Variants in SEMA4F observed in about 807,000 individuals in gnomAD.
SEMA4F encodes the protein semaphorin-4F.
Under a neutral mutation model 78.4 loss-of-function variants are expected in SEMA4F, and 51 were observed. That is an observed-to-expected ratio of 0.65 (90% confidence interval 0.52 to 0.82). The LOEUF is 0.82. SEMA4F is among the 40% of genes least tolerant of loss of function. SEMA4F has a pLI of 0.00. For missense variants in SEMA4F, 938 were observed against 1,014.4 expected, an observed-to-expected ratio of 0.92 and a Z score of 1.02; for synonymous variants, 418 against 408.7, an observed-to-expected ratio of 1.02 and a Z score of -0.27.
chr2:74,694,207 C>T, the SEMA4F span, among the ~76,000 whole-genome samples: 2 of 152,050 alleles, frequency 1.3e-5, no homozygotes, highest in Admixed American at 1.3e-4. Flanking sequence ...TCTTGATATT[C>T]ATGCTTTCTC....
At chr2:74,663,011 C>T (rs1684505551) in intron 5 of SEMA4F, among the ~76,000 whole-genome samples, 186 bp downstream of exon 5, 1 of 152,182 alleles carries the variant, frequency 6.6e-6, no homozygotes, top group South Asian at 2.1e-4. Context: ...AGTATGATAT[C>T]CCCAGGATTC....
At chr2:74,693,806 T>C in the SEMA4F span, among the ~76,000 whole-genome samples, 7 of 152,218 alleles carry the variant, frequency 4.6e-5, no homozygotes, top group Non-Finnish European at 1.0e-4. Context: ...TTTTTTTTTA[T>C]TGCTACAGTG....
the SEMA4F span, among the ~76,000 whole-genome samples, chr2:74,690,237 T>C: frequency 6.6e-6 from 1 of 152,220 alleles, no homozygotes; most frequent in Non-Finnish European, 1.5e-5. Context: ...TGACAACCAG[T>C]ACTATCTTAC....
chr2:74,707,150 A>G, the SEMA4F span, among the ~76,000 whole-genome samples: 1 of 152,240 alleles, frequency 6.6e-6, no homozygotes, highest in Non-Finnish European at 1.5e-5. Context: ...TACATTGGCA[A>G]AATTTGAATG....
rs951495225 is a variant in SEMA4F at position 74,682,439 on chromosome 2, A to C, written c.*2230A>C. The stretch of plus-strand genomic sequence containing the variant: ...TCAAAAAAAAAAAAAAAAGATAACC[A>C]TGACACTCGCAATCATATTAAGCCT... On this transcript the variant is annotated 3_prime_UTR_variant, in exon 14 of 14. Coordinates refer to ENST00000357877, the MANE Select transcript of SEMA4F (RefSeq NM_004263.5). 1.3e-5 allele frequency: 2 copies of C among 152,370 alleles called. No individual in the cohort carries two copies. The highest frequency in any genetic ancestry group is 3.9e-4 in the East Asian group (2 of 5,194). 9.4% of individuals were successfully genotyped at this position (152,370 alleles called of 1,614,324 possible). A position where few individuals can be genotyped will look rare whatever the true frequency, so the allele number is the denominator to read the frequency against.
chr2:74,654,491 T>C lies in SEMA4F; in HGVS notation c.115T>C (p.Ser39Pro). 1.3e-6 allele frequency: 2 copies of C among 1,571,792 alleles called. No individual in the cohort carries two copies. Among genetic ancestry groups the C allele is most frequent in the South Asian group, 1.2e-5 (1 of 86,616 alleles). Residue 39 changes from serine to proline, a missense_variant, in exon 1 of 14, where the codon TCG becomes CCG. Transcript: ENST00000357877. ...SGPVSGRVPR[S>P]VPRTSLPISE... ...CCCGGTATCCGGCCGCGTCCCCCGC[T>C]CGGTGCCCAGAACCTCGCTTCCAAT...
chr2:74,656,656 C>T lies in SEMA4F; in HGVS notation c.268C>T (p.Leu90=). Residue 90 remains leucine, a synonymous_variant, in exon 2 of 14, where the codon CTG becomes TTG. Transcript: ENST00000357877. Reference sequence around the variant, plus strand: ...CCGGGACACCATCTTCGCTTTATCCCTGCCCTTCTCAGGGGAGAGACCCCG... The same window carrying T: ...CCGGGACACCATCTTCGCTTTATCCTTGCCCTTCTCAGGGGAGAGACCCCG... The part of the protein sequence containing the change: ...GARDTIFALS[L]PFSGERPRRI... 6.2e-7 allele frequency: 1 copy of T among 1,614,178 alleles called. No homozygotes were observed. The highest frequency in any genetic ancestry group is 8.5e-7 in the Non-Finnish European group (1 of 1,180,042).
chr2:74,691,298 G>T, the SEMA4F span, among the ~76,000 whole-genome samples: 1 of 152,168 alleles, frequency 6.6e-6, no homozygotes. Flanking sequence ...TGCTGCTCAC[G>T]TACTGTGATT....
At position 74,680,380 on chromosome 2, in the gene SEMA4F, C is replaced by A; in HGVS notation, c.*171C>A. The A allele has an allele frequency of 1.4e-6, 1 of 714,670 alleles. No homozygotes were observed. The highest frequency in any genetic ancestry group is 2.1e-6 in the Non-Finnish European group (1 of 465,492). The allele number at this position is 714,670 out of a possible 1,614,324, so 44.3% of individuals were successfully genotyped here. A position where few individuals can be genotyped will look rare whatever the true frequency, so the allele number is the denominator to read the frequency against. The stretch of plus-strand genomic sequence containing the variant: ...TCTCTGAGCCTGGATGGGCTTGGGG[C>A]CAGACCTTTGCCTGATTCCTGATTC... On this transcript the variant is annotated 3_prime_UTR_variant, in exon 14 of 14. Transcript: ENST00000357877.
At chr2:74,704,870 G>C in the SEMA4F span, among the ~76,000 whole-genome samples, 1 of 152,100 alleles carries the variant, frequency 6.6e-6, no homozygotes, top group Non-Finnish European at 1.5e-5. Flanking sequence ...GATTTGCCCT[G>C]CTCTTCTTCA....
the SEMA4F span, among the ~76,000 whole-genome samples, chr2:74,694,831 C>A: frequency 1.3e-5 from 2 of 152,170 alleles, no homozygotes; most frequent in Non-Finnish European, 2.9e-5. Context: ...TCTTGCCAAG[C>A]AATATGTACA....
chr2:74,672,436 G>C (rs559261475), intron 5 of SEMA4F, among the ~76,000 whole-genome samples: 1 of 152,188 alleles, frequency 6.6e-6, no homozygotes, highest in African/African-American at 2.4e-5. Context: ...TCACATGGGG[G>C]TTCTTGGGGC....
chr2:74,697,311 A>G, the SEMA4F span, among the ~76,000 whole-genome samples: 10 of 152,338 alleles, frequency 6.6e-5, no homozygotes, highest in African/African-American at 2.4e-4. Flanking sequence ...AGCTCAATGT[A>G]TAGTCCAGAG....
rs1227752137 is a variant in SEMA4F, at chr2:74,682,043, A to T, written c.*1834A>T. ...ATGAGAAAATATGTCAACAATAAAGACCTGTCTGTACCAATAGATGTTGTT... is the reference window on the plus strand; with the variant it reads ...ATGAGAAAATATGTCAACAATAAAGTCCTGTCTGTACCAATAGATGTTGTT... On this transcript the variant is annotated 3_prime_UTR_variant, in exon 14 of 14. Transcript: ENST00000357877. The T allele has an allele frequency of 6.6e-6, 1 of 152,172 alleles. No homozygotes were observed. Among genetic ancestry groups the T allele is most frequent in the African/African-American group, 2.4e-5 (1 of 41,404 alleles). The allele number at this position is 152,172 out of a possible 1,614,324, so 9.4% of individuals were successfully genotyped here.
chr2:74,705,715 C>T, the SEMA4F span, among the ~76,000 whole-genome samples: 1 of 152,160 alleles, frequency 6.6e-6, no homozygotes, highest in Middle Eastern at 3.2e-3. Flanking sequence ...AGATGTGTGC[C>T]ACCATGCCTA....
chr2:74,676,353 A>C (rs1019551795), intron 12 of SEMA4F, among the ~76,000 whole-genome samples: 1 of 152,208 alleles, frequency 6.6e-6, no homozygotes, highest in Non-Finnish European at 1.5e-5. Flanking sequence ...TCACACGTTC[A>C]TGCACTCTCT....
downstream of SEMA4F, among the ~76,000 whole-genome samples, chr2:74,685,239 T>C (rs1473343155): frequency 6.6e-6 from 1 of 152,138 alleles, no homozygotes. Flanking sequence ...AGAGGACTCA[T>C]GGTGACAGGG....
intron 1 of SEMA4F, 101 bp from the exon 2 acceptor site, chr2:74,656,433 G>C: frequency 8.7e-7 from 1 of 1,145,056 alleles, no homozygotes; most frequent in Non-Finnish European, 1.3e-6. Context: ...CTTAATAAAT[G>C]GTACTTGGAA....
At chr2:74,692,624 G>A in the SEMA4F span, among the ~76,000 whole-genome samples, 1 of 152,240 alleles carries the variant, frequency 6.6e-6, no homozygotes, top group African/African-American at 2.4e-5. Context: ...GGAGTTCTTT[G>A]CAAACAGCTA....
Sources: allele counts gnomAD v4.1 joint callset (sites outside exome capture counted in the v4.1 genomes callset), GRCh38; gene constraint gnomAD v4.1.1; transcripts MANE v1.5; gene names NCBI Gene and HGNC (gene_info 2026-07-23, HGNC 2026-07-21).